The following ARNT2 variants were observed in gnomAD, a reference collection of about 807,000 sequenced individuals.
ARNT2 encodes the protein aryl hydrocarbon receptor nuclear translocator 2, also known as ARNT protein 2.
Under a neutral mutation model 91.7 loss-of-function variants are expected in ARNT2, and 36 were observed. The observed-to-expected ratio is 0.39, with a 90% CI of 0.30 to 0.52. The LOEUF is 0.52. ARNT2 is among the 20% of genes least tolerant of loss of function. ARNT2 has a pLI of 0.72. For synonymous variants in ARNT2, 365 were observed against 347.1 expected (o/e 1.05, Z -0.57); for missense variants, 775 against 939.3 (o/e 0.83, Z 2.29).
chr15:80,580,299 A>T, intron 15 of ARNT2, 112 bp from the exon 16 acceptor site: 1 of 1,349,342 alleles, frequency 7.4e-7, no homozygotes, highest in Non-Finnish European at 1.0e-6. Flanking sequence ...GACGTGCTGC[A>T]TGGAGAGAGA....
rs188730935 is a variant in ARNT2 at position 80,436,914 on chromosome 15, G to A, written c.32-13966G>A. 2.7e-3 allele frequency among the ~76,000 whole-genome samples: 413 copies of A among 152,188 alleles called. 3 individuals are homozygous for A. The highest frequency in any genetic ancestry group is 3.6e-3 in the Non-Finnish European group (242 of 67,994). On this transcript the variant is annotated intron_variant, in intron 1 of 18. Coordinates refer to ENST00000303329, the MANE Select transcript of ARNT2 (RefSeq NM_014862.4). Reference sequence around the variant, plus strand: ...TGGTTAAACAGTGTTTAGAATCCACGAACTTATTGCCTCCTCCAGAGCCTT... The same window carrying A: ...TGGTTAAACAGTGTTTAGAATCCACAAACTTATTGCCTCCTCCAGAGCCTT...
At chr15:80,465,105 T>C (rs989345119) in intron 3 of ARNT2, among the ~76,000 whole-genome samples, 5 of 152,206 alleles carry the variant, frequency 3.3e-5, no homozygotes, top group African/African-American at 4.8e-5. Context: ...TGAAGCCCTT[T>C]ACTGGAATTG....
chr15:80,562,764 A>C, intron 11 of ARNT2: 1 of 328,058 alleles, frequency 3.0e-6, no homozygotes, highest in South Asian at 4.1e-5. Flanking sequence ...GGCAAAAAGA[A>C]AAACGCTCTG....
chr15:80,425,052 G>A (rs1200507122), intron 1 of ARNT2, among the ~76,000 whole-genome samples: 1 of 152,236 alleles, frequency 6.6e-6, no homozygotes, highest in Non-Finnish European at 1.5e-5. Flanking sequence ...GAACATGCTT[G>A]TGCAAACTTG....
chr15:80,424,669 T>C (rs1895907849), intron 1 of ARNT2, among the ~76,000 whole-genome samples: 1 of 152,186 alleles, frequency 6.6e-6, no homozygotes, highest in Admixed American at 6.5e-5. Flanking sequence ...GTTGTATTCT[T>C]ACTGCTTCAC....
At chr15:80,578,293 C>T (rs1898720841) in intron 15 of ARNT2, among the ~76,000 whole-genome samples, 4 of 152,128 alleles carry the variant, frequency 2.6e-5, no homozygotes, top group Admixed American at 2.0e-4. Context: ...AAGCAAAAGT[C>T]AGGTTCTGCC....
intron 5 of ARNT2, among the ~76,000 whole-genome samples, chr15:80,479,462 CAAT>C (rs1468063514): frequency 1.3e-5 from 2 of 152,176 alleles, no homozygotes; most frequent in Non-Finnish European, 2.9e-5. Context: ...TACCATACAA[CAAT>C]GACACTGCTA....
intron 12 of ARNT2, among the ~76,000 whole-genome samples, chr15:80,573,466 T>C (rs1327206872): frequency 6.6e-6 from 1 of 152,234 alleles, no homozygotes; most frequent in African/African-American, 2.4e-5. Flanking sequence ...CTTAATGATA[T>C]TTACAATTGA....
At chr15:80,537,653 G>T (rs1287578436) in intron 8 of ARNT2, among the ~76,000 whole-genome samples, 1 of 152,122 alleles carries the variant, frequency 6.6e-6, no homozygotes, top group Non-Finnish European at 1.5e-5. Flanking sequence ...GCCTGACCTG[G>T]TAGAGAAAAG....
At chr15:80,584,448 C>T (rs571090909) in intron 17 of ARNT2, among the ~76,000 whole-genome samples, 2 of 152,000 alleles carry the variant, frequency 1.3e-5, no homozygotes, top group East Asian at 3.9e-4. Context: ...AAGGGTTGTT[C>T]GTTAGTGAGG....
chr15:80,448,790 T>C (rs887832605), intron 1 of ARNT2, among the ~76,000 whole-genome samples: 2 of 152,162 alleles, frequency 1.3e-5, no homozygotes, highest in African/African-American at 2.4e-5. Flanking sequence ...GAGACCATCC[T>C]GGCTAACACG....
chr15:80,416,388 A>T (rs1415994985), intron 1 of ARNT2, among the ~76,000 whole-genome samples: 2 of 152,022 alleles, frequency 1.3e-5, no homozygotes, highest in East Asian at 3.9e-4. Context: ...TTCAAGGTAT[A>T]TTATTTCCTA....
At chr15:80,590,629 C>T (rs186375134) in intron 17 of ARNT2, among the ~76,000 whole-genome samples, 169 of 152,290 alleles carry the variant, frequency 1.1e-3, no homozygotes, top group African/African-American at 4.0e-3. Flanking sequence ...GTAGTCCCAG[C>T]TATGAGGGAG....
At chr15:80,559,315 T>TCCCAGCCCCAGCCCCAGA (rs1171259071) in intron 11 of ARNT2, among the ~76,000 whole-genome samples, 2 of 151,354 alleles carry the variant, frequency 1.3e-5, no homozygotes, top group Non-Finnish European at 3.0e-5. Flanking sequence ...GTGCCGGCAG[T>TCCCAGCCCCAGCCCCAGA]CCCAGCCCCA....
At chr15:80,564,924 CTTTT>C (rs66830115) in intron 12 of ARNT2, among the ~76,000 whole-genome samples, 10 of 146,330 alleles carry the variant, frequency 6.8e-5, no homozygotes, top group African/African-American at 2.5e-4. Context: ...TCTTCTTCTC[CTTTT>C]TTTTTTTTTA....
Position 80,581,336 on chromosome 15 carries a change from C to T in ARNT2, c.1850C>T (p.Ser617Phe). Residue 617 changes from serine to phenylalanine, a missense_variant, in exon 17 of 19, where the codon TCC becomes TTC. By Grantham distance (155) the Ser-to-Phe change is radical. Coordinates refer to ENST00000303329, the MANE Select transcript of ARNT2 (RefSeq NM_014862.4). ...PADPSSYSPL[S>F]SPATSSPSGN... is the part of the protein sequence containing the mutation. ...GACCCCTCTTCCTACAGCCCCCTCT[C>T]CAGCCCAGCTACCTCCTCGCCAAGT... 1 of 1,614,226 alleles carries T rather than the reference C, an allele frequency of 6.2e-7. No homozygotes were observed. The highest frequency in any genetic ancestry group is 8.5e-7 in the Non-Finnish European group (1 of 1,180,048).
chr15:80,469,677 C>T (rs936221772), intron 3 of ARNT2, among the ~76,000 whole-genome samples: 10 of 152,102 alleles, frequency 6.6e-5, no homozygotes, highest in African/African-American at 2.2e-4. Context: ...TGCAGTGGTG[C>T]GATCTCAGCT....
At chr15:80,568,029 G>A (rs766116171) in intron 12 of ARNT2, among the ~76,000 whole-genome samples, 3 of 152,194 alleles carry the variant, frequency 2.0e-5, no homozygotes, top group East Asian at 3.8e-4. Context: ...TCAGTCAAAA[G>A]CATCCAAAAG....
chr15:80,471,819 A>G (rs117696073), intron 4 of ARNT2, among the ~76,000 whole-genome samples: 2,620 of 152,208 alleles, frequency 0.017, 32 homozygotes, highest in Non-Finnish European at 0.029. Flanking sequence ...TAGGACCCCA[A>G]AGCCATATTT....
Sources: gnomAD v4.1 joint callset for allele counts (sites outside exome capture counted in the v4.1 genomes callset) on GRCh38, gnomAD v4.1.1 for gene constraint, MANE v1.5 for transcripts, NCBI Gene and HGNC (gene_info 2026-07-23, HGNC 2026-07-21) for gene names.